Variants in RYR2 observed in about 807,000 individuals in gnomAD.
The protein encoded by RYR2 is cardiac muscle ryanodine receptor-calcium release channel.
A neutral mutation model predicts 601.1 loss-of-function variants in RYR2; 227 were observed. The ratio of observed to expected loss-of-function variants is 0.38; its 90% CI spans 0.34 to 0.42. The LOEUF (loss-of-function observed/expected upper bound fraction) is 0.42. Ranked by LOEUF, RYR2 falls within the 10% of genes least tolerant of loss-of-function variation. The pLI, the probability that RYR2 is intolerant of heterozygous loss-of-function variation, is 1.00. For synonymous variants in RYR2, 2,223 were observed against 2,175.1 expected (o/e 1.02, Z -0.61); for missense variants, 4,646 against 6,156.5 (o/e 0.75, Z 8.21).
intron 7 of RYR2, among the ~76,000 whole-genome samples, chr1:237,376,459 A>G (rs991756236): frequency 1.4e-5 from 2 of 138,516 alleles, no homozygotes; most frequent in Admixed American, 6.8e-5. Flanking sequence ...GGAATTAGGA[A>G]AAAAAAGAGT....
At chr1:237,388,932 T>A (rs1438641352) in intron 10 of RYR2, among the ~76,000 whole-genome samples, 2 of 152,070 alleles carry the variant, frequency 1.3e-5, no homozygotes, top group Non-Finnish European at 2.9e-5. Context: ...AACTATTAGT[T>A]AATAATTATT....
intron 97 of RYR2, among the ~76,000 whole-genome samples, chr1:237,799,059 C>T (rs186526271): frequency 1.3e-5 from 2 of 152,166 alleles, no homozygotes; most frequent in Non-Finnish European, 2.9e-5. Flanking sequence ...GTTTAGCTGG[C>T]CTATCTCATT....
intron 1 of RYR2, among the ~76,000 whole-genome samples, chr1:237,188,976 A>C (rs1461234657): frequency 1.3e-5 from 2 of 152,204 alleles, no homozygotes; most frequent in African/African-American, 4.8e-5. Flanking sequence ...TTGCTATGCA[A>C]TCAATCTCCA....
Position 237,454,402 on chromosome 1 carries a change from C to T in RYR2, c.1304C>T (p.Ala435Val), listed in dbSNP as rs757313291. The change falls in exon 15 of 105, where the codon GCT (alanine) becomes GTT (valine). Residue 435 changes from alanine (A) to valine (V), a missense_variant. Around this residue, in one of 17 missense-constraint regions of RYR2, gnomAD observed 1,807 missense variants for 2,088.1 expected, o/e 0.87. Transcript: ENST00000366574. ...LFNRFIRGLD[A>V]LSKKAKASTV... ...ATGGTTTATTTTAGGGGCCTTGATG[C>T]TCTCAGCAAGAAAGCGAAGGCTTCC... 28 of 1,606,486 alleles carry T rather than the reference C, an allele frequency of 1.7e-5. No homozygotes were observed. In the South Asian group the frequency reaches 2.8e-4, roughly 16 times the overall value.
chr1:237,356,870 G>A (rs1461374901), intron 4 of RYR2, among the ~76,000 whole-genome samples: 1 of 152,088 alleles, frequency 6.6e-6, no homozygotes, highest in African/African-American at 2.4e-5. Context: ...AAATGTTTTT[G>A]TATTTGCTCT....
At chr1:237,368,228 AT>A (rs572233046) in intron 5 of RYR2, among the ~76,000 whole-genome samples, 94 of 152,364 alleles carry the variant, frequency 6.2e-4, no homozygotes, top group Non-Finnish European at 1.2e-3. Context: ...TTCCATTCTT[AT>A]AAAAACTTTA....
At chr1:237,114,624 G>A (rs1669856218) in intron 1 of RYR2, among the ~76,000 whole-genome samples, 1 of 152,174 alleles carries the variant, frequency 6.6e-6, no homozygotes, top group African/African-American at 2.4e-5. Flanking sequence ...GAGGGAAGAA[G>A]ACCTAGGGGA....
chr1:237,155,177 T>TTC (rs1553319678), intron 1 of RYR2, among the ~76,000 whole-genome samples: 1 of 53,334 alleles, frequency 1.9e-5, no homozygotes, highest in Non-Finnish European at 4.8e-5. Context: ...TTTTTTTCTT[T>TTC]TCTTTTTTTT....
chr1:237,777,283 G>T (rs1694742406), intron 87 of RYR2, among the ~76,000 whole-genome samples: 1 of 152,052 alleles, frequency 6.6e-6, no homozygotes, highest in Non-Finnish European at 1.5e-5. Context: ...TACTGCTTTT[G>T]TAGACAGTCA....
intron 1 of RYR2, among the ~76,000 whole-genome samples, chr1:237,188,564 T>C (rs542996087): frequency 7.2e-5 from 11 of 152,298 alleles, no homozygotes; most frequent in African/African-American, 2.6e-4. Context: ...TGGATTCTTT[T>C]TTTTTCTTTT....
At chr1:237,735,379 T>A (rs2149182214) in intron 79 of RYR2, among the ~76,000 whole-genome samples, 1 of 152,290 alleles carries the variant, frequency 6.6e-6, no homozygotes, top group East Asian at 1.9e-4. Context: ...ATTATTTTTG[T>A]TTGTTTGCCA....
At chr1:237,293,368 G>A (rs181844963) in intron 2 of RYR2, among the ~76,000 whole-genome samples, 81 of 152,094 alleles carry the variant, frequency 5.3e-4, no homozygotes, top group Non-Finnish European at 9.7e-4. Context: ...CACCACACCC[G>A]GCTAATTTTT....
chr1:237,754,541 C>G (rs894239804), intron 80 of RYR2, among the ~76,000 whole-genome samples: 2 of 152,134 alleles, frequency 1.3e-5, no homozygotes, highest in Non-Finnish European at 2.9e-5. Context: ...GAACTTCTTC[C>G]TGACTCCCTT....
chr1:237,633,877 T>C (rs1388664433), intron 43 of RYR2, among the ~76,000 whole-genome samples, 167 bp downstream of exon 43: 1 of 152,188 alleles, frequency 6.6e-6, no homozygotes, highest in Non-Finnish European at 1.5e-5. Flanking sequence ...ACATCACTCA[T>C]CATCAGCAAA....
intron 1 of RYR2, among the ~76,000 whole-genome samples, chr1:237,190,788 G>T (rs1327280954): frequency 6.6e-6 from 1 of 152,164 alleles, no homozygotes; most frequent in African/African-American, 2.4e-5. Flanking sequence ...AGTATCCATT[G>T]GTTCTGGAAC....
At chr1:237,623,241 G>T (rs1406556683) in intron 38 of RYR2, among the ~76,000 whole-genome samples, 2 of 152,072 alleles carry the variant, frequency 1.3e-5, no homozygotes, top group African/African-American at 2.4e-5. Context: ...AGCTATGGAT[G>T]ATTTGATTTA....
chr1:237,764,179 A>G (rs980248069), intron 84 of RYR2, among the ~76,000 whole-genome samples: 4 of 152,152 alleles, frequency 2.6e-5, no homozygotes, highest in Non-Finnish European at 5.9e-5. Context: ...CAACCCTCCA[A>G]TGAGGTAGCT....
chr1:237,257,110 G>A (rs1380716772), intron 1 of RYR2, among the ~76,000 whole-genome samples: 1 of 152,146 alleles, frequency 6.6e-6, no homozygotes, highest in Non-Finnish European at 1.5e-5. Context: ...GAAATCACAG[G>A]ACTGTACTTT....
At chr1:237,345,219 A>G (rs1038308426) in intron 3 of RYR2, among the ~76,000 whole-genome samples, 1 of 152,148 alleles carries the variant, frequency 6.6e-6, no homozygotes, top group Non-Finnish European at 1.5e-5. Context: ...ATCAGTTTGT[A>G]AAAATCTACA....
Sources: gnomAD v4.1 joint callset for allele counts (sites outside exome capture counted in the v4.1 genomes callset) on GRCh38, gnomAD v4.1.1 for gene constraint, gnomAD v4.1.1 regional missense constraint, MANE v1.5 for transcripts, NCBI Gene and HGNC (gene_info 2026-07-23, HGNC 2026-07-21) for gene names.